Variants in ZNF335 observed in about 807,000 individuals in gnomAD.
ZNF335 encodes the protein NRC-interacting factor 1.
In ZNF335, 84 loss-of-function variants were observed where a neutral mutation model predicts 145.6. That is an observed-to-expected ratio of 0.58 (90% CI 0.48 to 0.69). The LOEUF (loss-of-function observed/expected upper bound fraction) is 0.69, where lower values mean the gene tolerates loss of function less well. Ranked by LOEUF, ZNF335 falls within the 30% of genes least tolerant of loss-of-function variation. The pLI is 0.00. For synonymous variants in ZNF335, 761 were observed against 717.0 expected (o/e 1.06, Z -0.98); for missense variants, 1,865 against 1,809.7 (o/e 1.03, Z -0.55).
chr20:45,962,706 G>C (rs2083867051), intron 9 of ZNF335, among the ~76,000 whole-genome samples: 1 of 152,148 alleles, frequency 6.6e-6, no homozygotes. Context: ...GACCTCATTG[G>C]GCTGCAATAA....
intron 1 of ZNF335, 44 bp from the exon 2 acceptor site, chr20:45,971,504 C>A: frequency 1.3e-6 from 2 of 1,534,228 alleles, no homozygotes; most frequent in Admixed American, 2.0e-5. Flanking sequence ...GGGCCATCTC[C>A]CCAGCCCCGG....
Position 45,960,612 on chromosome 20 carries a change from C to A in ZNF335, c.1782+4G>T, listed in dbSNP as rs201891476. The A allele has an allele frequency of 4.8e-5, 77 of 1,613,986 alleles. No homozygotes were observed. Among genetic ancestry groups the A allele is most frequent in the Non-Finnish European group, 5.6e-5 (66 of 1,180,002 alleles). On this transcript the variant is annotated splice_donor_region_variant and intron_variant, in intron 12 of 27. Transcript: ENST00000322927. ...TCTCAGCCCCAGCCCTGGCTCCCAC[C>A]CACCTTGTCACACATGTGGGGCTTC...
chr20:45,948,948 G>C lies in ZNF335; in HGVS notation c.*5C>G, dbSNP rs375336891. On this transcript the variant is annotated 3_prime_UTR_variant, in exon 28 of 28. Transcript: ENST00000322927. ...AATCCATGATCTGTGTTGGGCCCTC[G>C]GGGCTCAGTCATCGGCCAGGGTGAT... The C allele has an allele frequency of 3.1e-6, 5 of 1,613,712 alleles. No homozygotes were observed. In the African/African-American group the frequency reaches 6.7e-5, roughly 22 times the overall value.
Position 45,950,235 on chromosome 20 carries a change from T to C in ZNF335, c.3471A>G (p.Thr1157=). The C allele has an allele frequency of 6.5e-7, 1 of 1,546,384 alleles. No homozygotes were observed. The highest frequency in any genetic ancestry group is 8.7e-7 in the Non-Finnish European group (1 of 1,146,128). ...QTIILNSDDE[T]LATLHTALQS... ...GCAGCTCACTGTGCAGGGTGGCCAG[T>C]GTTTCGTCATCACTGTTCAGGATGA... Residue 1157 remains threonine (T), a synonymous_variant, in exon 22 of 28, where the codon ACA becomes ACG. Transcript: ENST00000322927.
rs765861359 is a variant in ZNF335 at position 45,967,790 on chromosome 20, C to T, written c.758G>A (p.Arg253Gln). Residue 253 changes from arginine (R) to glutamine (Q), a missense_variant, in exon 5 of 28, where the codon CGG becomes CAG. Arg to Gln is a conservative substitution (Grantham distance 43). Coordinates refer to ENST00000322927, the MANE Select transcript of ZNF335 (RefSeq NM_022095.4). The part of the protein sequence containing the change: ...QQFKCKMCQY[R>Q]SSTKATLLRH... The stretch of plus-strand genomic sequence containing the variant: ...CAGCAGTGTGGCCTTGGTGCTGCTC[C>T]GGTACTGGCACATCTTGCATTTGAA... 19 of 1,613,480 alleles carry T rather than the reference C, an allele frequency of 1.2e-5. No individual in the cohort carries two copies. The highest frequency in any genetic ancestry group is 1.6e-4 in the Middle Eastern group (1 of 6,084).
At chr20:45,961,681 A>G (rs946170185) in intron 10 of ZNF335, 4 of 175,952 alleles carry the variant, frequency 2.3e-5, no homozygotes, top group Non-Finnish European at 3.6e-5. Flanking sequence ...CATTAGGTGC[A>G]TAAGAACTTG....
chr20:45,967,329 C>T, intron 6 of ZNF335, 165 bp downstream of exon 6: 1 of 1,022,922 alleles, frequency 9.8e-7, no homozygotes, highest in Non-Finnish European at 1.4e-6. Flanking sequence ...TGCACAACTG[C>T]ACACAGAAGT....
chr20:45,971,884 C>G, intron 1 of ZNF335: 4 of 985,372 alleles, frequency 4.1e-6, no homozygotes, highest in Non-Finnish European at 4.8e-6. Context: ...GCGACGGTCT[C>G]GGGGCCTGGC....
At position 45,967,842 on chromosome 20, in the gene ZNF335, T is replaced by C; in HGVS notation, c.706A>G (p.Met236Val). ...TGCTGCACCACCACCACCTCCATCA[T>C]GGCCTCCAGGCTCTGCAGGTCCGGC... ...EEPDLQSLEA[M>V]MEVVVVQQFK... Residue 236 changes from methionine to valine, a missense_variant, in exon 5 of 28, where the codon ATG becomes GTG. Coordinates refer to ENST00000322927, the MANE Select transcript of ZNF335 (RefSeq NM_022095.4). 1 of 1,613,494 alleles carries C rather than the reference T, an allele frequency of 6.2e-7. No homozygotes were observed. The highest frequency in any genetic ancestry group is 8.5e-7 in the Non-Finnish European group (1 of 1,180,030).
chr20:45,971,310 G>C lies in ZNF335; in HGVS notation c.101C>G (p.Ala34Gly). 2.5e-6 allele frequency: 4 copies of C among 1,594,348 alleles called. No homozygotes were observed. Among genetic ancestry groups the C allele is most frequent in the Non-Finnish European group, 3.4e-6 (4 of 1,177,210 alleles). The change falls in exon 2 of 28, where the codon GCC (alanine) becomes GGC (glycine). Residue 34 changes from alanine to glycine, a missense_variant. By Grantham distance (60) the Ala-to-Gly change is moderately conservative (BLOSUM62 0). Transcript: ENST00000322927. ...GGCGTCGCTGCTGTCGGCGGACACG[G>C]CTTCTGAGGTGCCCACACCCAGGCC... ...ESGLGVGTSE[A>G]VSADSSDAAA... is the part of the protein sequence containing the mutation.
At chr20:45,969,720 A>G (rs779703773) in intron 2 of ZNF335, 29 bp from the exon 3 acceptor site, 4 of 1,605,836 alleles carry the variant, frequency 2.5e-6, no homozygotes, top group Non-Finnish European at 2.5e-6. Flanking sequence ...GGAGGGAAAA[A>G]GTTTAGCAGC....
Position 45,952,365 on chromosome 20 carries a change from A to G in ZNF335, c.2971T>C (p.Ser991Pro). 1 of 1,611,346 alleles carries G rather than the reference A, an allele frequency of 6.2e-7. No homozygotes were observed. The highest frequency in any genetic ancestry group is 1.3e-5 in the African/African-American group (1 of 75,032). Residue 991 changes from serine to proline, a missense_variant, in exon 20 of 28, where the codon TCC (serine) becomes CCC (proline). Physicochemically the swap from Ser to Pro is moderately conservative, Grantham distance 74 (BLOSUM62 -1). Transcript: ENST00000322927. Reference sequence around the variant, plus strand: ...GCTTTGCTGGTTGCAGGAGGTGAGGAGGCAGAGCTCTGGGAGTCCCCTACG... The same window carrying G: ...GCTTTGCTGGTTGCAGGAGGTGAGGGGGCAGAGCTCTGGGAGTCCCCTACG... ...HCVGDSQSSASSPPATSKALG... is the reference protein window; with the variant it reads ...HCVGDSQSSAPSPPATSKALG...
chr20:45,957,752 TC>T lies in ZNF335; in HGVS notation c.2348-73del, dbSNP rs1412606604. 3.1e-5 allele frequency: 49 copies of T among 1,604,352 alleles called. No individual in the cohort carries two copies. The African/African-American group carries it at 3.2e-4, about 11-fold the overall frequency. ...ACCCAATACCACCCCCTCCCCATCT[TC>T]CAGCCCCCACCAGCACGACCTGCCC... is the stretch of plus-strand genomic sequence containing the variant. On this transcript the variant is annotated intron_variant, in intron 16 of 27. Coordinates refer to ENST00000322927, the MANE Select transcript of ZNF335 (RefSeq NM_022095.4).
At chr20:45,951,678 G>A (rs1015430944) in intron 20 of ZNF335, among the ~76,000 whole-genome samples, 1 of 152,224 alleles carries the variant, frequency 6.6e-6, no homozygotes, top group African/African-American at 2.4e-5. Context: ...TCAGGCAGTA[G>A]TGCTTGCCCA....
At chr20:45,966,967 T>C (rs916900361) in intron 6 of ZNF335, 18 of 160,418 alleles carry the variant, frequency 1.1e-4, no homozygotes, top group African/African-American at 4.1e-4. Flanking sequence ...TGGGCTCAAG[T>C]GATCCTCCCA....
rs140671453 is a variant in ZNF335, at chr20:45,960,826, G to A, written c.1665+38C>T. 1.4e-4 allele frequency: 220 copies of A among 1,613,800 alleles called. No individual in the cohort carries two copies. In the African/African-American group the frequency reaches 1.6e-3, roughly 12 times the overall value. The stretch of plus-strand genomic sequence containing the variant: ...GTCCTCACCCCCATAAACAACCCCC[G>A]GGCAGGTTCCCTTCCCAGGCCAGCA... On this transcript the variant is annotated intron_variant, in intron 11 of 27. Transcript: ENST00000322927.
At chr20:45,965,493 G>C (rs2083934117) in intron 7 of ZNF335, 135 bp downstream of exon 7, 3 of 1,026,626 alleles carry the variant, frequency 2.9e-6, no homozygotes, top group Admixed American at 6.2e-5. Context: ...CCTTTCCCTG[G>C]AGGCCTGCAG....
In ZNF335 at chr20:45,956,447, C is replaced by T. The variant is rs765326099; in HGVS notation, c.2442+1139G>A. On this transcript the variant is annotated intron_variant, in intron 17 of 27. Coordinates refer to ENST00000322927, the MANE Select transcript of ZNF335 (RefSeq NM_022095.4). ...TTCTCCATGTTGGTCAGGCTGGTCT[C>T]GAACTCCTGACCTCAGGTGATCCAG... Among the ~76,000 whole-genome samples the T allele has an allele frequency of 3.9e-5, 6 of 152,046 alleles. No homozygotes were observed. In the East Asian group the frequency reaches 9.7e-4, roughly 24 times the overall value.
rs3746511 is a variant in ZNF335 at position 45,963,725 on chromosome 20, C to T, written c.1355+13G>A. ...CCACATGCATGCCCCACCCTCACCT[C>T]TGCTCCACATACTTGCGGTATTTCT... On this transcript the variant is annotated intron_variant, in intron 8 of 27. Coordinates refer to ENST00000322927, the MANE Select transcript of ZNF335 (RefSeq NM_022095.4). 188,513 of 1,614,056 alleles carry T rather than the reference C, an allele frequency of 0.12. 12,750 individuals are homozygous for T. The highest frequency in any genetic ancestry group is 0.33 in the East Asian group (14,727 of 44,876).
Sources: gnomAD v4.1 joint callset for allele counts (sites outside exome capture counted in the v4.1 genomes callset) on GRCh38, gnomAD v4.1.1 for gene constraint, MANE v1.5 for transcripts, NCBI Gene and HGNC (gene_info 2026-07-23, HGNC 2026-07-21) for gene names.